Variants in NCOA3 observed in about 807,000 individuals in gnomAD.
The protein encoded by NCOA3 is nuclear receptor coactivator 3.
NCOA3 carries 51 observed loss-of-function variants against 158.8 expected under a neutral mutation model. The ratio of observed to expected loss-of-function variants is 0.32; its 90% CI spans 0.26 to 0.41. The LOEUF is 0.41. Among genes scored for constraint, NCOA3 ranks in the 10% least tolerant of loss-of-function variants. NCOA3 has a pLI of 1.00. For missense variants in NCOA3, 1,510 were observed against 1,746.6 expected (o/e 0.86, Z 2.41); for synonymous variants, 537 against 592.4 (o/e 0.91, Z 1.36).
intron 1 of NCOA3, among the ~76,000 whole-genome samples, chr20:47,563,733 A>C: frequency 6.6e-6 from 1 of 151,834 alleles, no homozygotes. Context: ...CTAAAAATAT[A>C]AAAAAATTAG....
At chr20:47,566,758 C>T (rs553021175) in intron 1 of NCOA3, among the ~76,000 whole-genome samples, 2 of 152,222 alleles carry the variant, frequency 1.3e-5, no homozygotes, top group South Asian at 4.2e-4. Flanking sequence ...AGTTAACCCA[C>T]CTTGGCCACC....
intron 1 of NCOA3, among the ~76,000 whole-genome samples, chr20:47,531,518 G>A (rs2084547047): frequency 6.6e-6 from 1 of 152,150 alleles, no homozygotes. Flanking sequence ...TGGAAGTAAA[G>A]CCATATTAAT....
chr20:47,553,089 A>G (rs746736255), intron 1 of NCOA3, among the ~76,000 whole-genome samples: 1 of 151,992 alleles, frequency 6.6e-6, no homozygotes, highest in African/African-American at 2.4e-5. Context: ...ACACACCACC[A>G]TGTCCAGCTA....
At chr20:47,625,767 T>G (rs987173439) in intron 5 of NCOA3, among the ~76,000 whole-genome samples, 1 of 152,144 alleles carries the variant, frequency 6.6e-6, no homozygotes, top group African/African-American at 2.4e-5. Flanking sequence ...AGGTAGCCTG[T>G]AATTTCACAG....
intron 1 of NCOA3, among the ~76,000 whole-genome samples, chr20:47,522,683 C>T (rs951810895): frequency 6.6e-6 from 1 of 150,978 alleles, no homozygotes; most frequent in Non-Finnish European, 1.5e-5. Flanking sequence ...TTTTAATATG[C>T]AAATGCAGGG....
chr20:47,526,222 T>G (rs1202293365), intron 1 of NCOA3, among the ~76,000 whole-genome samples: 1 of 145,798 alleles, frequency 6.9e-6, no homozygotes, highest in African/African-American at 2.6e-5. Context: ...GAAGAGGCGC[T>G]CCTCACTTCC....
At chr20:47,543,698 C>T (rs1358224677) in intron 1 of NCOA3, among the ~76,000 whole-genome samples, 2 of 151,864 alleles carry the variant, frequency 1.3e-5, no homozygotes, top group East Asian at 1.9e-4. Context: ...TTAGTGTAGA[C>T]GGGGTTTCAC....
intron 1 of NCOA3, among the ~76,000 whole-genome samples, chr20:47,542,335 C>T (rs568892443): frequency 1.3e-5 from 2 of 151,870 alleles, no homozygotes; most frequent in East Asian, 1.9e-4. Flanking sequence ...TAACCGTGCC[C>T]GGCTTCCTGT....
intron 1 of NCOA3, among the ~76,000 whole-genome samples, chr20:47,527,803 C>G (rs555826761): frequency 6.6e-6 from 1 of 152,264 alleles, no homozygotes; most frequent in African/African-American, 2.4e-5. Context: ...TATGTTTTAG[C>G]CATTCTGGTA....
chr20:47,507,161 T>A (rs1448920305), intron 1 of NCOA3, among the ~76,000 whole-genome samples: 28 of 152,226 alleles, frequency 1.8e-4, no homozygotes. Flanking sequence ...AGTGTACAGG[T>A]TAAATCCCAT....
At chr20:47,597,595 T>C (rs2085781733) in intron 2 of NCOA3, among the ~76,000 whole-genome samples, 1 of 151,724 alleles carries the variant, frequency 6.6e-6, no homozygotes, top group South Asian at 2.1e-4. Flanking sequence ...TTCATGCCAT[T>C]CTCCTGCCTC....
At chr20:47,532,078 C>T (rs1055660744) in intron 1 of NCOA3, among the ~76,000 whole-genome samples, 13 of 146,766 alleles carry the variant, frequency 8.9e-5, no homozygotes, top group Admixed American at 4.8e-4. Context: ...AGAAAGGTTA[C>T]GGAAAAAAAA....
chr20:47,593,972 C>T (rs1423326972), intron 2 of NCOA3, among the ~76,000 whole-genome samples: 1 of 152,142 alleles, frequency 6.6e-6, no homozygotes, highest in African/African-American at 2.4e-5. Context: ...ATAAATTCTG[C>T]ATTCATGCCT....
At chr20:47,547,292 A>G (rs545196209) in intron 1 of NCOA3, among the ~76,000 whole-genome samples, 140 of 151,972 alleles carry the variant, frequency 9.2e-4, no homozygotes, top group Admixed American at 9.8e-4. Flanking sequence ...CTCTTACCCC[A>G]TCTGTGGCGT....
intron 1 of NCOA3, among the ~76,000 whole-genome samples, chr20:47,511,717 C>A (rs1170212918): frequency 6.6e-6 from 1 of 150,870 alleles, no homozygotes; most frequent in Non-Finnish European, 1.5e-5. Flanking sequence ...GTGGACCCAG[C>A]TAATTTTTGT....
intron 1 of NCOA3, among the ~76,000 whole-genome samples, chr20:47,517,684 C>T (rs1270603535): frequency 1.3e-5 from 2 of 152,090 alleles, no homozygotes; most frequent in African/African-American, 4.8e-5. Flanking sequence ...CTCCTAACCT[C>T]AGGTGATCTG....
chr20:47,595,358 A>G (rs560040111), intron 2 of NCOA3, among the ~76,000 whole-genome samples: 7 of 151,900 alleles, frequency 4.6e-5, no homozygotes, highest in African/African-American at 1.7e-4. Flanking sequence ...TTGGCCTACC[A>G]AAGTGTGCTG....
intron 2 of NCOA3, among the ~76,000 whole-genome samples, chr20:47,619,666 GT>G (rs1324713151): frequency 7.0e-6 from 1 of 142,920 alleles, no homozygotes; most frequent in African/African-American, 2.5e-5. Flanking sequence ...AAAAAAAAAA[GT>G]TATTACTCAA....
intron 2 of NCOA3, among the ~76,000 whole-genome samples, chr20:47,620,528 C>A (rs2086222533): frequency 6.6e-6 from 1 of 152,064 alleles, no homozygotes; most frequent in Non-Finnish European, 1.5e-5. Context: ...ACGTTTATCT[C>A]CCCCCCGGGT....
Sources: gnomAD v4.1 joint callset for allele counts (sites outside exome capture counted in the v4.1 genomes callset) on GRCh38, gnomAD v4.1.1 for gene constraint, MANE v1.5 for transcripts, NCBI Gene and HGNC (gene_info 2026-07-23, HGNC 2026-07-21) for gene names.